PRSS23: variants seen among roughly 807,000 people sequenced by gnomAD.
PRSS23 encodes the protein protease, serine 23.
In PRSS23, 25 loss-of-function variants were observed where a neutral mutation model predicts 34.7. The ratio of observed to expected loss-of-function variants is 0.72; its 90% CI spans 0.53 to 1.01. The LOEUF (loss-of-function observed/expected upper bound fraction) is 1.01. Ranked by LOEUF, PRSS23 falls within the 50% of genes least tolerant of loss-of-function variation. PRSS23 has a pLI of 0.00. For synonymous variants in PRSS23, 176 were observed against 186.6 expected (o/e 0.94, Z 0.46); for missense variants, 445 against 475.6 (o/e 0.94, Z 0.60).
At chr11:86,879,510 C>G (rs1948754142) in intron 2 of PRSS23, among the ~76,000 whole-genome samples, 1 of 124,402 alleles carries the variant, frequency 8.0e-6, no homozygotes, top group Non-Finnish European at 1.8e-5. Flanking sequence ...GGGGATCAGC[C>G]CCCCACCCGG....
intron 2 of PRSS23, among the ~76,000 whole-genome samples, chr11:86,853,242 CTTTTTTTTTTTTTT>C (rs561682096): frequency 1.5e-4 from 7 of 47,792 alleles, no homozygotes; most frequent in South Asian, 9.7e-4. Context: ...AAGTGCCTGC[CTTTTTTTTTTTTTT>C]TTTTTTTTTT....
chr11:86,835,586 C>T (rs984142507), intron 2 of PRSS23, among the ~76,000 whole-genome samples: 10 of 152,116 alleles, frequency 6.6e-5, no homozygotes, highest in African/African-American at 1.7e-4. Flanking sequence ...CTGGCTATTT[C>T]GTCTTACCTG....
intron 2 of PRSS23, among the ~76,000 whole-genome samples, chr11:86,861,398 GGAT>G (rs888466507): frequency 2.6e-5 from 4 of 151,946 alleles, no homozygotes; most frequent in African/African-American, 7.3e-5. Context: ...GGAAGGGAGA[GGAT>G]GATATTACTC....
intron 2 of PRSS23, among the ~76,000 whole-genome samples, chr11:86,831,011 A>G (rs1022710516): frequency 2.6e-5 from 4 of 151,972 alleles, no homozygotes; most frequent in African/African-American, 9.7e-5. Flanking sequence ...ACACCCAGTG[A>G]TATTATTTGG....
intron 2 of PRSS23, chr11:86,857,420 T>C: frequency 3.0e-6 from 1 of 338,648 alleles, no homozygotes; most frequent in Non-Finnish European, 5.7e-6. Flanking sequence ...AATATGTTAT[T>C]GATGATGCTG....
rs1277526624 is a variant in PRSS23 at position 86,824,354 on chromosome 11, A to ATAAAG, written c.206+765_206+766insGTAAA. 1.6e-4 allele frequency among the ~76,000 whole-genome samples: 24 copies of ATAAAG among 149,238 alleles called. No homozygotes were observed. In the East Asian group the frequency reaches 4.1e-3, roughly 25 times the overall value. On this transcript the variant is annotated intron_variant, in intron 2 of 2. Coordinates refer to the PRSS23 transcript ENST00000533902. ...TAAAAATAAAATAAAATAAAATAAA[A>ATAAAG]TAAAATAAAATAAAATAAATAAAAT...
Position 86,952,574 on chromosome 11 carries a change from A to G in PRSS23, c.*1289A>G. 4.6e-6 allele frequency: 6 copies of G among 1,317,462 alleles called. No individual in the cohort carries two copies. In the South Asian group the frequency reaches 4.8e-5, roughly 10 times the overall value. The allele number at this position is 1,317,462 out of a possible 1,614,324, so 81.6% of individuals were successfully genotyped here. A position where few individuals can be genotyped will look rare whatever the true frequency, so the allele number is the denominator to read the frequency against. On this transcript the variant is annotated 3_prime_UTR_variant, in exon 3 of 3. Coordinates refer to the PRSS23 transcript ENST00000533902. ...TTGAATGCTTCCAGGCAATCTAGGT[A>G]TCTACTTTTAAACCAACCTATCGGG...
chr11:86,942,681 A>T lies in PRSS23; in HGVS notation c.207-8535A>T, dbSNP rs1034646761. 5.3e-5 allele frequency among the ~76,000 whole-genome samples: 8 copies of T among 152,334 alleles called. No homozygotes were observed. The East Asian group carries it at 1.5e-3, about 29-fold the overall frequency. On this transcript the variant is annotated intron_variant, in intron 2 of 2. Coordinates refer to the PRSS23 transcript ENST00000533902. ...GTTGGAATCCTTTGCCATGAGGGTAAATAAATCTATGGGCCCTCTTAGCCT... is the reference window on the plus strand; with the variant it reads ...GTTGGAATCCTTTGCCATGAGGGTATATAAATCTATGGGCCCTCTTAGCCT...
At chr11:86,906,003 C>CATTCATTCAT (rs61241543) in intron 2 of PRSS23, among the ~76,000 whole-genome samples, 2 of 150,090 alleles carry the variant, frequency 1.3e-5, no homozygotes, top group South Asian at 2.1e-4. Flanking sequence ...CACTCATTCA[C>CATTCATTCAT]TCATTCATTC....
intron 2 of PRSS23, among the ~76,000 whole-genome samples, chr11:86,855,739 G>A (rs1411335913): frequency 6.6e-6 from 1 of 152,186 alleles, no homozygotes; most frequent in Non-Finnish European, 1.5e-5. Context: ...GGCCTCAAGT[G>A]ATCCGTCTGA....
At chr11:86,905,322 G>C (rs1324835138) in intron 2 of PRSS23, among the ~76,000 whole-genome samples, 3 of 152,162 alleles carry the variant, frequency 2.0e-5, no homozygotes, top group African/African-American at 7.2e-5. Context: ...ACAGGGCTAT[G>C]GGTTTTAAGC....
intron 2 of PRSS23, among the ~76,000 whole-genome samples, chr11:86,913,352 T>C (rs529925659): frequency 6.7e-6 from 1 of 148,286 alleles, no homozygotes; most frequent in East Asian, 1.9e-4. Flanking sequence ...GGCTCTTGTC[T>C]AGCGTTTGTT....
chr11:86,909,234 G>A (rs1948962572), intron 2 of PRSS23: 1 of 152,132 alleles, frequency 6.6e-6, no homozygotes, highest in Non-Finnish European at 1.5e-5. Flanking sequence ...ACCTTCCTTA[G>A]GCTAAACAGC....
At chr11:86,835,627 C>A (rs1948399017) in intron 2 of PRSS23, among the ~76,000 whole-genome samples, 2 of 152,142 alleles carry the variant, frequency 1.3e-5, no homozygotes, top group Non-Finnish European at 2.9e-5. Flanking sequence ...ACCTGTTATG[C>A]CAAGGAACCC....
chr11:86,937,173 G>C (rs955697979), intron 2 of PRSS23: 11 of 152,102 alleles, frequency 7.2e-5, no homozygotes, highest in Non-Finnish European at 1.5e-5. Flanking sequence ...TTGTCATTTT[G>C]GTCAATGATT....
intron 2 of PRSS23, among the ~76,000 whole-genome samples, chr11:86,850,504 A>G (rs1948521077): frequency 1.3e-5 from 2 of 152,142 alleles, no homozygotes; most frequent in African/African-American, 2.4e-5. Flanking sequence ...GTCAGGACTT[A>G]CTTCAGTCCT....
At chr11:86,922,423 C>T (rs1350648706) in intron 2 of PRSS23, among the ~76,000 whole-genome samples, 1 of 151,988 alleles carries the variant, frequency 6.6e-6, no homozygotes, top group African/African-American at 2.4e-5. Context: ...ACTGCTTGAG[C>T]CCAGGAGTTA....
intron 2 of PRSS23, among the ~76,000 whole-genome samples, chr11:86,844,687 A>G (rs1004802718): frequency 2.0e-5 from 3 of 152,222 alleles, no homozygotes; most frequent in African/African-American, 7.2e-5. Flanking sequence ...ATACTAATCA[A>G]TAGAATCATA....
At chr11:86,798,612 T>C (rs1590865021), upstream of PRSS23, among the ~76,000 whole-genome samples, 1 of 152,276 alleles carries the variant, frequency 6.6e-6, no homozygotes, top group South Asian at 2.1e-4. Context: ...AATTTTATTA[T>C]TCTGGAAGAA....
Sources: allele counts gnomAD v4.1 joint callset (sites outside exome capture counted in the v4.1 genomes callset), GRCh38; gene constraint gnomAD v4.1.1; transcripts MANE v1.5; gene names NCBI Gene and HGNC (gene_info 2026-07-23, HGNC 2026-07-21).